The following CNTN5 variants were observed in gnomAD, a reference collection of about 807,000 sequenced individuals.
The protein encoded by CNTN5 is contactin 5.
In CNTN5, 77 loss-of-function variants were observed where a neutral mutation model predicts 129.1. The ratio of observed to expected loss-of-function variants is 0.60; its 90% confidence interval spans 0.50 to 0.72. The LOEUF is 0.72. Among genes scored for constraint, CNTN5 ranks in the 30% least tolerant of loss-of-function variants. CNTN5 has a pLI of 0.00. For synonymous variants in CNTN5, 509 were observed against 465.6 expected, an observed-to-expected ratio of 1.09 and a Z score of -1.20; for missense variants, 1,478 against 1,328.8, an observed-to-expected ratio of 1.11 and a Z score of -1.75.
intron 1 of CNTN5, among the ~76,000 whole-genome samples, chr11:99,294,726 T>C (rs1377472737): frequency 6.6e-6 from 1 of 152,094 alleles, no homozygotes; most frequent in African/African-American, 2.4e-5. Flanking sequence ...CAGATGGAGG[T>C]GGAATGAGGA....
chr11:99,801,674 T>C (rs1259762297), intron 3 of CNTN5, among the ~76,000 whole-genome samples: 9 of 152,176 alleles, frequency 5.9e-5, no homozygotes, highest in Admixed American at 5.9e-4. Flanking sequence ...TTTGAAAAGA[T>C]CGGTTTAAGC....
chr11:99,812,829 G>A (rs1946470146), intron 3 of CNTN5, among the ~76,000 whole-genome samples: 3 of 152,106 alleles, frequency 2.0e-5, no homozygotes, highest in Admixed American at 2.0e-4. Flanking sequence ...GGAACTGAGC[G>A]ATGATGGCGG....
At chr11:99,980,777 G>A (rs1938280494) in intron 8 of CNTN5, among the ~76,000 whole-genome samples, 1 of 151,790 alleles carries the variant, frequency 6.6e-6, no homozygotes, top group African/African-American at 2.4e-5. Context: ...GATTAATTTA[G>A]TCCTCTTATT....
At chr11:100,188,263 G>C (rs1332886561) in intron 13 of CNTN5, among the ~76,000 whole-genome samples, 1 of 152,140 alleles carries the variant, frequency 6.6e-6, no homozygotes, top group East Asian at 1.9e-4. Flanking sequence ...GACCAACATG[G>C]TGAAACCATA....
rs778337294 is a variant in CNTN5, at chr11:99,556,309, A to G, written c.55+40A>G. 9.5e-6 allele frequency: 13 copies of G among 1,362,310 alleles called. No individual in the cohort carries two copies. In the South Asian group the frequency reaches 1.6e-4, roughly 17 times the overall value. The allele number at this position is 1,362,310 out of a possible 1,614,324, so 84.4% of individuals were successfully genotyped here. A position where few individuals can be genotyped will look rare whatever the true frequency, so the allele number is the denominator to read the frequency against. On this transcript the variant is annotated intron_variant, in intron 3 of 24. Transcript: ENST00000524871. ...TAATTAATTATTTGATTTTCTAAGT[A>G]TCAAAATAACCAAAATATATCAAGG...
chr11:100,121,870 A>AATG (rs964341362), intron 13 of CNTN5, among the ~76,000 whole-genome samples: 1 of 152,046 alleles, frequency 6.6e-6, no homozygotes, highest in Admixed American at 6.6e-5. Flanking sequence ...AAGTATTAAA[A>AATG]ATGATAGAGA....
chr11:99,571,971 C>T (rs1949188761), intron 3 of CNTN5, among the ~76,000 whole-genome samples: 1 of 152,020 alleles, frequency 6.6e-6, no homozygotes, highest in Non-Finnish European at 1.5e-5. Context: ...ATTTCAGTAT[C>T]CTGCTCTAAT....
intron 13 of CNTN5, among the ~76,000 whole-genome samples, chr11:100,088,575 A>G (rs967489430): frequency 6.6e-6 from 1 of 151,578 alleles, no homozygotes; most frequent in African/African-American, 2.4e-5. Flanking sequence ...ATCCCACAGA[A>G]ATACATAAGA....
intron 6 of CNTN5, among the ~76,000 whole-genome samples, chr11:99,888,994 T>TG (rs11431754): frequency 0.85 from 128,688 of 151,728 alleles, 54,730 homozygotes; most frequent in East Asian, 1. Flanking sequence ...GAGGGTTCAG[T>TG]TATTTAATTT....
At chr11:99,965,077 G>T (rs188944137) in intron 8 of CNTN5, among the ~76,000 whole-genome samples, 3 of 152,110 alleles carry the variant, frequency 2.0e-5, no homozygotes, top group Non-Finnish European at 4.4e-5. Flanking sequence ...CTTGCTAGCG[G>T]TCTATTAATT....
chr11:100,277,921 C>T (rs1393451250), intron 18 of CNTN5, among the ~76,000 whole-genome samples: 1 of 152,020 alleles, frequency 6.6e-6, no homozygotes, highest in Non-Finnish European at 1.5e-5. Context: ...CCAATGTTTT[C>T]CTGTAGTAGT....
chr11:99,314,913 A>T (rs1865276269), intron 1 of CNTN5, among the ~76,000 whole-genome samples: 1 of 146,492 alleles, frequency 6.8e-6, no homozygotes, highest in Non-Finnish European at 1.5e-5. Context: ...AAACAGTGGG[A>T]TATTGTAAAA....
At chr11:99,319,589 C>G (rs1207232085) in intron 1 of CNTN5, among the ~76,000 whole-genome samples, 2 of 152,140 alleles carry the variant, frequency 1.3e-5, no homozygotes, top group Non-Finnish European at 2.9e-5. Context: ...TTTCCAGTAA[C>G]TGGTGTTGTG....
chr11:99,531,770 G>C (rs147935964), intron 2 of CNTN5, among the ~76,000 whole-genome samples: 1 of 152,190 alleles, frequency 6.6e-6, no homozygotes, highest in Non-Finnish European at 1.5e-5. Context: ...TTGAGCGTTC[G>C]AGTGCACAGA....
intron 9 of CNTN5, among the ~76,000 whole-genome samples, chr11:100,008,884 G>C (rs1476487554): frequency 6.6e-6 from 1 of 151,922 alleles, no homozygotes; most frequent in South Asian, 2.1e-4. Flanking sequence ...TTAGAATACT[G>C]GTTCATTGTG....
intron 3 of CNTN5, among the ~76,000 whole-genome samples, chr11:99,763,392 A>C (rs901236740): frequency 1.3e-5 from 2 of 152,132 alleles, no homozygotes; most frequent in African/African-American, 4.8e-5. Flanking sequence ...ATTCTAACTC[A>C]TGTAAGCTGT....
chr11:100,121,659 T>G (rs923061063), intron 13 of CNTN5, among the ~76,000 whole-genome samples: 2 of 152,034 alleles, frequency 1.3e-5, no homozygotes, highest in Non-Finnish European at 2.9e-5. Context: ...TGAAATAGTA[T>G]TTCCTGTTCT....
chr11:99,859,749 T>C (rs904004219), intron 6 of CNTN5, among the ~76,000 whole-genome samples: 1 of 152,210 alleles, frequency 6.6e-6, no homozygotes, highest in Non-Finnish European at 1.5e-5. Flanking sequence ...CACTCCACTG[T>C]TGATGGGCAC....
intron 8 of CNTN5, among the ~76,000 whole-genome samples, chr11:99,960,769 G>T (rs1022694822): frequency 6.6e-6 from 1 of 152,064 alleles, no homozygotes; most frequent in Non-Finnish European, 1.5e-5. Flanking sequence ...AAGAAATCAC[G>T]GGGAGAGAGT....
Sources: gnomAD v4.1 joint callset for allele counts (sites outside exome capture counted in the v4.1 genomes callset) on GRCh38, gnomAD v4.1.1 for gene constraint, MANE v1.5 for transcripts, NCBI Gene and HGNC (gene_info 2026-07-23, HGNC 2026-07-21) for gene names.